IRAK3: variants seen among roughly 807,000 people sequenced by gnomAD.
The protein encoded by IRAK3 is interleukin 1 receptor associated kinase 3.
A neutral mutation model predicts 56.6 loss-of-function variants in IRAK3; 57 were observed. That is an observed-to-expected ratio of 1.01 (90% CI 0.81 to 1.26). IRAK3 has a LOEUF of 1.26. IRAK3 is among the 50% of genes most tolerant of loss of function. IRAK3 has a pLI of 0.00. For synonymous variants in IRAK3, 258 were observed against 255.7 expected, an observed-to-expected ratio of 1.01 and a Z score of -0.09; for missense variants, 703 against 719.0, an observed-to-expected ratio of 0.98 and a Z score of 0.25.
chr12:66,251,864 T>C lies in IRAK3; in HGVS notation c.*3693T>C, dbSNP rs2053103096. The C allele has an allele frequency of 6.6e-6, 1 of 152,210 alleles. No homozygotes were observed. The highest frequency in any genetic ancestry group is 1.5e-5 in the Non-Finnish European group (1 of 68,046). The allele number at this position is 152,210 out of a possible 1,614,324, so 9.4% of individuals were successfully genotyped here. A position where few individuals can be genotyped will look rare whatever the true frequency, so the allele number is the denominator to read the frequency against. ...CAGGGCATCTACCCAAGTCAACAGT[T>C]CAGTGACATCTGTTATTTGAACCAC... is the stretch of plus-strand genomic sequence containing the variant. On this transcript the variant is annotated 3_prime_UTR_variant, in exon 12 of 12. Transcript: ENST00000261233.
intron 7 of IRAK3, among the ~76,000 whole-genome samples, chr12:66,227,090 C>T (rs1592594085): frequency 6.6e-6 from 1 of 152,178 alleles, no homozygotes; most frequent in East Asian, 1.9e-4. Context: ...ATGGTAAGAA[C>T]CCAGCAAATC....
intron 5 of IRAK3, among the ~76,000 whole-genome samples, chr12:66,212,142 C>T (rs1363023130): frequency 6.6e-6 from 1 of 151,544 alleles, no homozygotes; most frequent in African/African-American, 2.4e-5. Context: ...TGAAAAGTCT[C>T]CAGGACTTTG....
At position 66,196,911 on chromosome 12, in the gene IRAK3, CTTAATT is replaced by C; in HGVS notation, c.134-6797_134-6792del. ...AAAACAAGCTTTGTGAGAATGGAGT[CTTAATT>C]TTGCAGGGGTTTTGGCATGTGGTTG... is the stretch of plus-strand genomic sequence containing the variant. On this transcript the variant is annotated intron_variant, in intron 1 of 11. Transcript: ENST00000261233. The C allele has an allele frequency of 2.6e-6, 4 of 1,534,102 alleles. No individual in the cohort carries two copies. The East Asian group carries it at 9.8e-5, about 38-fold the overall frequency.
In IRAK3 at chr12:66,253,685, G is replaced by A. The variant is rs541596001; in HGVS notation, c.*5514G>A. The A allele has an allele frequency of 6.6e-6, 1 of 152,176 alleles. No homozygotes were observed. Among genetic ancestry groups the A allele is most frequent in the Non-Finnish European group, 1.5e-5 (1 of 68,028 alleles). 9.4% of individuals were successfully genotyped at this position (152,176 alleles called of 1,614,324 possible). On this transcript the variant is annotated 3_prime_UTR_variant, in exon 12 of 12. Transcript: ENST00000261233. Reference sequence around the variant, plus strand: ...ATAGACAAACATTAATTGGAATGGGGGGTAAGGAGGTAGGAATGGCTTACT... The same window carrying A: ...ATAGACAAACATTAATTGGAATGGGAGGTAAGGAGGTAGGAATGGCTTACT...
At position 66,235,380 on chromosome 12, in the gene IRAK3, C is replaced by T. The variant is rs570641315; in HGVS notation, c.887+7010C>T. The T allele has an allele frequency of 3.0e-6, 3 of 1,003,160 alleles. No homozygotes were observed. The African/African-American group carries it at 5.2e-5, about 17-fold the overall frequency. The allele number at this position is 1,003,160 out of a possible 1,614,324, so 62.1% of individuals were successfully genotyped here. On this transcript the variant is annotated intron_variant, in intron 8 of 11. Coordinates refer to ENST00000261233, the MANE Select transcript of IRAK3 (RefSeq NM_007199.3). Reference sequence around the variant, plus strand: ...GGGAGGACGCAAGGAGGGGGCCGGCCGGGCCCCGGGCCGAGGCAGCTTTGG... The same window carrying T: ...GGGAGGACGCAAGGAGGGGGCCGGCTGGGCCCCGGGCCGAGGCAGCTTTGG...
intron 1 of IRAK3, 117 bp downstream of exon 1, chr12:66,189,549 T>G: frequency 1.5e-6 from 1 of 668,308 alleles, no homozygotes; most frequent in Non-Finnish European, 1.9e-6. Context: ...CTCCGGGAAG[T>G]TCCCGCCAGG....
intron 5 of IRAK3, 91 bp from the exon 6 acceptor site, chr12:66,217,080 C>A: frequency 1.1e-6 from 1 of 893,522 alleles, no homozygotes; most frequent in South Asian, 1.3e-5. Context: ...CCAAAAAGTT[C>A]ATCTAATTTA....
At chr12:66,245,529 C>CTTTT (rs745553622) in intron 11 of IRAK3, among the ~76,000 whole-genome samples, 95 of 75,382 alleles carry the variant, frequency 1.3e-3, no homozygotes, top group East Asian at 1.5e-3. Flanking sequence ...TTTATTCAAT[C>CTTTT]TTTTTTTTTT....
intron 8 of IRAK3, chr12:66,234,278 G>A: frequency 1.2e-6 from 2 of 1,613,074 alleles, no homozygotes; most frequent in Non-Finnish European, 1.7e-6. Flanking sequence ...CTGGGCCAGA[G>A]GGCTGATCAT....
chr12:66,196,944 A>G (rs1228805174), intron 1 of IRAK3: 4 of 1,535,516 alleles, frequency 2.6e-6, no homozygotes, highest in Admixed American at 2.0e-5. Context: ...ATGTGGTTGT[A>G]TGCAAATACA....
At chr12:66,241,682 A>T (rs1422134357) in intron 8 of IRAK3, among the ~76,000 whole-genome samples, 1 of 152,274 alleles carries the variant, frequency 6.6e-6, no homozygotes, top group Non-Finnish European at 1.5e-5. Flanking sequence ...CACTAAAGTC[A>T]GCTGAAAAAC....
intron 11 of IRAK3, among the ~76,000 whole-genome samples, chr12:66,247,080 G>A (rs1215993698): frequency 6.6e-6 from 1 of 152,084 alleles, no homozygotes; most frequent in Admixed American, 6.6e-5. Context: ...AACCAGCCTG[G>A]CCAACATGGC....
chr12:66,225,159 T>A (rs1199820179), intron 6 of IRAK3, among the ~76,000 whole-genome samples: 2 of 152,186 alleles, frequency 1.3e-5, no homozygotes, highest in Non-Finnish European at 2.9e-5. Flanking sequence ...GTCCACTATC[T>A]ACTGCCTTCC....
At chr12:66,219,524 G>T (rs893416618) in intron 6 of IRAK3, among the ~76,000 whole-genome samples, 1 of 152,128 alleles carries the variant, frequency 6.6e-6, no homozygotes, top group Non-Finnish European at 1.5e-5. Flanking sequence ...TTTGTAAATT[G>T]CCCAGTCTCA....
intron 1 of IRAK3, chr12:66,197,863 A>C (rs2052469833): frequency 1.0e-6 from 1 of 985,272 alleles, no homozygotes; most frequent in Non-Finnish European, 1.2e-6. Context: ...ACAGGACGGG[A>C]CATCCCAGAG....
At chr12:66,216,017 G>A (rs57546002) in intron 5 of IRAK3, among the ~76,000 whole-genome samples, 4 of 152,188 alleles carry the variant, frequency 2.6e-5, no homozygotes, top group Non-Finnish European at 4.4e-5. Context: ...TTACAATGCA[G>A]ATTCTGATTC....
chr12:66,229,487 G>C (rs768157185), intron 8 of IRAK3, among the ~76,000 whole-genome samples: 2 of 152,178 alleles, frequency 1.3e-5, no homozygotes, highest in Non-Finnish European at 2.9e-5. Context: ...GACTTGGGCA[G>C]AAAAGGAGCT....
At chr12:66,227,834 C>T (rs1350062821) in intron 7 of IRAK3, among the ~76,000 whole-genome samples, 1 of 151,314 alleles carries the variant, frequency 6.6e-6, no homozygotes, top group Non-Finnish European at 1.5e-5. Flanking sequence ...TGTCATGATT[C>T]CTCGTTAGAT....
chr12:66,196,899 T>C (rs971604032), intron 1 of IRAK3: 3 of 1,524,400 alleles, frequency 2.0e-6, no homozygotes, highest in African/African-American at 1.4e-5. Context: ...ACAAGCTTTG[T>C]GAGAATGGAG....
Sources: gnomAD v4.1 joint callset for allele counts (sites outside exome capture counted in the v4.1 genomes callset) on GRCh38, gnomAD v4.1.1 for gene constraint, MANE v1.5 for transcripts, NCBI Gene and HGNC (gene_info 2026-07-23, HGNC 2026-07-21) for gene names.